LSAMP: variants seen among roughly 807,000 people sequenced by gnomAD.
LSAMP encodes limbic system associated membrane protein, also known as limbic system-associated membrane protein.
In LSAMP, 7 loss-of-function variants were observed where a neutral mutation model predicts 38.6. The ratio of observed to expected loss-of-function variants is 0.18; its 90% confidence interval spans 0.10 to 0.34. The LOEUF (loss-of-function observed/expected upper bound fraction) is 0.34, where lower values mean the gene tolerates loss of function less well. Ranked by LOEUF, LSAMP falls within the 10% of genes least tolerant of loss-of-function variation. The pLI is 1.00. For synonymous variants in LSAMP, 154 were observed against 166.8 expected (o/e 0.92, Z 0.59); for missense variants, 313 against 420.0 (o/e 0.75, Z 2.23).
intron 3 of LSAMP, among the ~76,000 whole-genome samples, chr3:115,861,021 A>G (rs930656688): frequency 2.0e-5 from 3 of 151,088 alleles, no homozygotes; most frequent in South Asian, 2.1e-4. Flanking sequence ...TTATTTTGTA[A>G]TTTGTTTTCT....
intron 1 of LSAMP, among the ~76,000 whole-genome samples, chr3:116,101,217 A>C (rs970558900): frequency 6.6e-6 from 1 of 152,204 alleles, no homozygotes; most frequent in African/African-American, 2.4e-5. Flanking sequence ...GAAGAAACTT[A>C]CTATTCCAAG....
intron 1 of LSAMP, among the ~76,000 whole-genome samples, chr3:116,113,704 C>T (rs1328220440): frequency 6.6e-6 from 1 of 151,968 alleles, no homozygotes; most frequent in African/African-American, 2.4e-5. Context: ...GGATTACAGG[C>T]GTGAGCCACC....
rs558564330 is a variant in LSAMP, at chr3:116,110,814, T to C, written c.156-24258A>G. Among the ~76,000 whole-genome samples, 4 of 152,260 alleles carry C rather than the reference T, an allele frequency of 2.6e-5. No individual in the cohort carries two copies. The South Asian group carries it at 8.3e-4, about 32-fold the overall frequency. On this transcript the variant is annotated intron_variant, in intron 1 of 6. Transcript: ENST00000490035. ...TGGCACCAAATTTCATGCGCGTCCG[T>C]GTGAAGAGACCACCAAACAGGCTTT...
chr3:116,157,765 C>A (rs1709788719), intron 1 of LSAMP, among the ~76,000 whole-genome samples: 1 of 151,956 alleles, frequency 6.6e-6, no homozygotes, highest in Non-Finnish European at 1.5e-5. Context: ...CAGCCAAATT[C>A]TACTAGATAT....
chr3:116,323,516 A>AT (rs2047733397), intron 1 of LSAMP, among the ~76,000 whole-genome samples: 3 of 152,124 alleles, frequency 2.0e-5, no homozygotes, highest in Non-Finnish European at 4.4e-5. Flanking sequence ...TCCAGTTCAT[A>AT]TTTTTTCAAC....
chr3:116,168,329 T>C (rs184202589), intron 1 of LSAMP, among the ~76,000 whole-genome samples: 1 of 152,240 alleles, frequency 6.6e-6, no homozygotes, highest in East Asian at 1.9e-4. Context: ...ATAGCTGCAT[T>C]TCCTGAGAAT....
chr3:115,848,581 C>T (rs542312532), intron 4 of LSAMP, among the ~76,000 whole-genome samples: 2 of 152,302 alleles, frequency 1.3e-5, no homozygotes, highest in East Asian at 1.9e-4. Context: ...CCTCTGCTTC[C>T]TCTAAATACA....
At chr3:116,318,696 T>G (rs1442002445) in intron 1 of LSAMP, among the ~76,000 whole-genome samples, 2 of 152,166 alleles carry the variant, frequency 1.3e-5, no homozygotes, top group African/African-American at 2.4e-5. Flanking sequence ...AAGGCAAAAT[T>G]CATAAAAACA....
chr3:116,178,088 C>A (rs1050733528), intron 1 of LSAMP, among the ~76,000 whole-genome samples: 28 of 93,062 alleles, frequency 3.0e-4, no homozygotes, highest in Non-Finnish European at 2.5e-4. Flanking sequence ...CTCTGATAGT[C>A]TTGTGTACGT....
intron 1 of LSAMP, among the ~76,000 whole-genome samples, chr3:116,232,683 TTTTC>T (rs753991102): frequency 2.6e-5 from 3 of 114,836 alleles, no homozygotes; most frequent in African/African-American, 9.3e-5. Context: ...TTTAATTTTC[TTTTC>T]TTTCTTTCTT....
At position 116,220,161 on chromosome 3, in the gene LSAMP, T is replaced by G. The variant is rs1376856154; in HGVS notation, c.156-133605A>C. 2.8e-5 allele frequency among the ~76,000 whole-genome samples: 4 copies of G among 142,388 alleles called. No homozygotes were observed. The East Asian group carries it at 6.3e-4, about 22-fold the overall frequency. 93.4% of individuals were successfully genotyped at this position (142,388 alleles called of 152,430 possible). ...CTGTGCCACTGCACTCCTGCCTGGG[T>G]GACAGAGTGAGACTCCATCTCAAAA... On this transcript the variant is annotated intron_variant, in intron 1 of 6. Transcript: ENST00000490035.
At chr3:116,306,790 T>C (rs142415335) in intron 1 of LSAMP, among the ~76,000 whole-genome samples, 1 of 152,170 alleles carries the variant, frequency 6.6e-6, no homozygotes, top group East Asian at 1.9e-4. Flanking sequence ...TGAAAACAGG[T>C]TTTATGTCCC....
chr3:115,865,595 T>G (rs915149989), intron 3 of LSAMP, among the ~76,000 whole-genome samples: 1 of 152,200 alleles, frequency 6.6e-6, no homozygotes, highest in Non-Finnish European at 1.5e-5. Context: ...CTGTGATCCA[T>G]GGACCACCTA....
intron 6 of LSAMP, among the ~76,000 whole-genome samples, chr3:115,840,524 A>C (rs557357443): frequency 1.7e-4 from 26 of 152,330 alleles, no homozygotes; most frequent in African/African-American, 5.5e-4. Flanking sequence ...GTGAATTTTA[A>C]ACTTCATATG....
rs572292631 is a variant in LSAMP at position 116,307,767 on chromosome 3, A to G, written c.155+137110T>C. On this transcript the variant is annotated intron_variant, in intron 1 of 6. Transcript: ENST00000490035. ...AATGACTTGAGAAACAGCTTATGAT[A>G]TACCATAAAAAGAAAAAAATTTTCA... 2.6e-5 allele frequency among the ~76,000 whole-genome samples: 4 copies of G among 152,108 alleles called. No homozygotes were observed. The East Asian group carries it at 7.7e-4, about 29-fold the overall frequency.
At chr3:115,857,218 C>T (rs1214277241) in intron 3 of LSAMP, among the ~76,000 whole-genome samples, 2 of 152,208 alleles carry the variant, frequency 1.3e-5, no homozygotes, top group African/African-American at 2.4e-5. Context: ...ATGGAATACA[C>T]CAGCTGAATC....
chr3:116,111,003 AGGT>A (rs1168622287), intron 1 of LSAMP, among the ~76,000 whole-genome samples: 10 of 152,070 alleles, frequency 6.6e-5, no homozygotes, highest in Non-Finnish European at 1.5e-4. Flanking sequence ...GGGGGTCACA[AGGT>A]GCTCAGTGGG....
At chr3:115,966,199 ACTGG>A (rs1938808794) in intron 3 of LSAMP, among the ~76,000 whole-genome samples, 1 of 152,208 alleles carries the variant, frequency 6.6e-6, no homozygotes, top group Non-Finnish European at 1.5e-5. Context: ...ATGTGGATAC[ACTGG>A]CTGGAGTTCC....
intron 1 of LSAMP, among the ~76,000 whole-genome samples, chr3:116,122,267 C>G (rs1708892779): frequency 6.6e-6 from 1 of 152,156 alleles, no homozygotes; most frequent in Non-Finnish European, 1.5e-5. Context: ...GTAAAACCCA[C>G]TTATGCATAT....
Sources: allele counts gnomAD v4.1 joint callset (sites outside exome capture counted in the v4.1 genomes callset), GRCh38; gene constraint gnomAD v4.1.1; transcripts MANE v1.5; gene names NCBI Gene and HGNC (gene_info 2026-07-23, HGNC 2026-07-21).